The following PVT1 variants were observed in gnomAD, a reference collection of about 807,000 sequenced individuals.
PVT1 encodes the protein CXCR4/PVT1 fusion.
At chr8:127,864,435 C>T (rs1815264266) in intron 2 of PVT1, among the ~76,000 whole-genome samples, 1 of 152,182 alleles carries the variant, frequency 6.6e-6, no homozygotes, top group South Asian at 2.1e-4. Context: ...GATGCCTGCT[C>T]CTGGCCCTTG....
chr8:127,982,060 G>A (rs1284096911), intron 3 of PVT1, among the ~76,000 whole-genome samples: 1 of 152,198 alleles, frequency 6.6e-6, no homozygotes, highest in Admixed American at 6.5e-5. Context: ...CCTCTGCAGA[G>A]GTCTTGGGCG....
chr8:128,038,849 G>A (rs150941441), intron 4 of PVT1, among the ~76,000 whole-genome samples: 1 of 152,238 alleles, frequency 6.6e-6, no homozygotes, highest in African/African-American at 2.4e-5. Context: ...TGAGAGCTGG[G>A]CAGGTCTTCG....
chr8:128,100,655 A>T (rs1046770923), intron 6 of PVT1, among the ~76,000 whole-genome samples: 2 of 152,210 alleles, frequency 1.3e-5, no homozygotes, highest in African/African-American at 4.8e-5. Context: ...CCACCTTTGC[A>T]AAAGGTGTGT....
chr8:127,865,748 A>C (rs775888953), intron 2 of PVT1, among the ~76,000 whole-genome samples: 46 of 152,166 alleles, frequency 3.0e-4, no homozygotes, highest in Admixed American at 5.2e-4. Flanking sequence ...TAAGCCTCTG[A>C]GTTTGTACTA....
chr8:127,915,809 A>G lies in PVT1; in HGVS notation n.782+24811A>G, dbSNP rs186509937. The stretch of plus-strand genomic sequence containing the variant: ...GAATGCTGCTTTTGATCACTTTTCT[A>G]TGTTCCTCTTCCTCTACAGTGGACA... On this transcript the variant is annotated intron_variant and non_coding_transcript_variant, in intron 3 of 10. Coordinates refer to ENST00000651587, the Ensembl canonical transcript of PVT1. 5.1e-4 allele frequency among the ~76,000 whole-genome samples: 77 copies of G among 152,282 alleles called. No homozygotes were observed. In the East Asian group the frequency reaches 0.012, roughly 24 times the overall value.
At chr8:127,829,677 C>G (rs895602757) in intron 2 of PVT1, among the ~76,000 whole-genome samples, 5 of 152,198 alleles carry the variant, frequency 3.3e-5, no homozygotes, top group Non-Finnish European at 7.3e-5. Flanking sequence ...CACTTAATTT[C>G]CCATCTGTAA....
intron 3 of PVT1, among the ~76,000 whole-genome samples, chr8:127,963,113 T>G (rs932466905): frequency 3.3e-5 from 5 of 152,156 alleles, no homozygotes; most frequent in Non-Finnish European, 5.9e-5. Flanking sequence ...AGCAGCTTTC[T>G]CTTCTTCCTA....
chr8:128,007,569 A>G (rs1467232561), intron 4 of PVT1, among the ~76,000 whole-genome samples: 2 of 152,268 alleles, frequency 1.3e-5, no homozygotes, highest in East Asian at 1.9e-4. Context: ...AGACAGAACA[A>G]TATAGTGCAC....
intron 5 of PVT1, among the ~76,000 whole-genome samples, chr8:128,075,408 T>A (rs1814073228): frequency 6.6e-6 from 1 of 151,944 alleles, no homozygotes; most frequent in Non-Finnish European, 1.5e-5. Context: ...CATGAATAGA[T>A]CGATGAATCA....
intron 2 of PVT1, among the ~76,000 whole-genome samples, chr8:127,845,651 G>T (rs1020304480): frequency 6.6e-6 from 1 of 152,188 alleles, no homozygotes; most frequent in African/African-American, 2.4e-5. Flanking sequence ...TTATGCAAGT[G>T]ATATGACCCA....
At chr8:128,087,432 G>A (rs555912709) in intron 5 of PVT1, among the ~76,000 whole-genome samples, 2 of 152,258 alleles carry the variant, frequency 1.3e-5, no homozygotes, top group South Asian at 2.1e-4. Context: ...TGTAAACTGT[G>A]GTTGTTTACA....
In PVT1 at chr8:128,085,799, G is replaced by A. The variant is rs570490504; in HGVS notation, n.1115-10719G>A. Among the ~76,000 whole-genome samples, 3 of 152,284 alleles carry A rather than the reference G, an allele frequency of 2.0e-5. No individual in the cohort carries two copies. In the South Asian group the frequency reaches 6.2e-4, roughly 32 times the overall value. ...AAAAGATGTATGTCTTAGCATCTTT[G>A]ATTTAAAGACTGATTAACATAAGCA... On this transcript the variant is annotated intron_variant and non_coding_transcript_variant, in intron 5 of 10. Coordinates refer to ENST00000651587, the Ensembl canonical transcript of PVT1.
chr8:127,968,047 T>C (rs775542719), intron 3 of PVT1, among the ~76,000 whole-genome samples: 4 of 152,206 alleles, frequency 2.6e-5, no homozygotes, highest in Non-Finnish European at 5.9e-5. Flanking sequence ...CCAACAATCC[T>C]GTGTAGGAGA....
chr8:127,984,610 T>C (rs1816923165), intron 3 of PVT1, among the ~76,000 whole-genome samples: 1 of 152,174 alleles, frequency 6.6e-6, no homozygotes, highest in Non-Finnish European at 1.5e-5. Flanking sequence ...AGCTGTTTTA[T>C]GTTGTTGTTG....
At chr8:127,965,485 A>G (rs1816693658) in intron 3 of PVT1, among the ~76,000 whole-genome samples, 1 of 152,184 alleles carries the variant, frequency 6.6e-6, no homozygotes, top group Non-Finnish European at 1.5e-5. Context: ...CTCTGGCGTT[A>G]CATCTGTCAC....
At chr8:127,967,438 C>G (rs1250967956) in intron 3 of PVT1, among the ~76,000 whole-genome samples, 2 of 152,220 alleles carry the variant, frequency 1.3e-5, no homozygotes, top group African/African-American at 2.4e-5. Flanking sequence ...ACAATACTGG[C>G]TCAAAGGAAG....
intron 4 of PVT1, among the ~76,000 whole-genome samples, chr8:128,011,666 C>T (rs773562145): frequency 6.6e-6 from 1 of 152,120 alleles, no homozygotes; most frequent in Non-Finnish European, 1.5e-5. Flanking sequence ...GAAACTAGGG[C>T]CGTCTTAGCT....
intron 4 of PVT1, chr8:128,049,073 G>A (rs1450204143): frequency 2.0e-6 from 1 of 488,726 alleles, no homozygotes; most frequent in Non-Finnish European, 4.0e-6. Context: ...ACCCAGCAAG[G>A]GATGACATTT....
intron 4 of PVT1, among the ~76,000 whole-genome samples, chr8:128,033,753 T>G (rs1429327696): frequency 6.6e-6 from 1 of 152,220 alleles, no homozygotes; most frequent in African/African-American, 2.4e-5. Flanking sequence ...TTCCTCCTTG[T>G]GTAGTTGGAG....
Sources: allele counts gnomAD v4.1 joint callset (sites outside exome capture counted in the v4.1 genomes callset), GRCh38; gene constraint gnomAD v4.1.1; transcripts MANE v1.5; gene names NCBI Gene and HGNC (gene_info 2026-07-23, HGNC 2026-07-21).